The following PTPN14 variants were observed in gnomAD, a reference collection of about 807,000 sequenced individuals.
PTPN14 encodes the protein protein tyrosine phosphatase non-receptor type 14.
PTPN14 carries 53 observed loss-of-function variants against 126.8 expected under a neutral mutation model. The observed-to-expected ratio is 0.42, with a 90% CI of 0.34 to 0.53. The LOEUF (loss-of-function observed/expected upper bound fraction) is 0.53, where lower values mean the gene tolerates loss of function less well. Ranked by LOEUF, PTPN14 falls within the 20% of genes least tolerant of loss-of-function variation. The probability of loss-of-function intolerance (pLI) is 0.08; values close to 1 mark genes in which losing one functional copy is unlikely to be tolerated. For synonymous variants in PTPN14, 630 were observed against 599.3 expected (o/e 1.05, Z -0.75); for missense variants, 1,257 against 1,552.9 (o/e 0.81, Z 3.20).
chr1:214,410,413 C>T (rs145513623), intron 5 of PTPN14, among the ~76,000 whole-genome samples: 2,601 of 151,998 alleles, frequency 0.017, 83 homozygotes, highest in African/African-American at 0.059. Context: ...CTGCCTCAGC[C>T]TCCTGAGTAG....
At chr1:214,520,446 T>C (rs1011065404) in intron 1 of PTPN14, among the ~76,000 whole-genome samples, 1 of 152,170 alleles carries the variant, frequency 6.6e-6, no homozygotes, top group African/African-American at 2.4e-5. Flanking sequence ...AACAGAAGTT[T>C]TGATTCAAGA....
At chr1:214,361,903 G>GT (rs1372021727) in intron 18 of PTPN14, among the ~76,000 whole-genome samples, 1 of 152,176 alleles carries the variant, frequency 6.6e-6, no homozygotes, top group East Asian at 1.9e-4. Flanking sequence ...GTGTTTCATT[G>GT]TTTCTGCTCA....
At chr1:214,463,397 A>G (rs1176713046) in intron 2 of PTPN14, among the ~76,000 whole-genome samples, 2 of 152,228 alleles carry the variant, frequency 1.3e-5, no homozygotes, top group Non-Finnish European at 2.9e-5. Flanking sequence ...TTACCAAGCT[A>G]CTAATACATA....
chr1:214,422,401 G>A (rs753025445), intron 3 of PTPN14, among the ~76,000 whole-genome samples: 6 of 152,154 alleles, frequency 3.9e-5, no homozygotes, highest in Non-Finnish European at 5.9e-5. Context: ...ATGCTAACCG[G>A]CCAACCAAAA....
chr1:214,421,464 A>T (rs1156878821), intron 3 of PTPN14, among the ~76,000 whole-genome samples: 1 of 152,250 alleles, frequency 6.6e-6, no homozygotes, highest in Non-Finnish European at 1.5e-5. Flanking sequence ...CAACTTTGTT[A>T]AAACACTAAA....
rs946394083 is a variant in PTPN14, at chr1:214,389,926, C to T, written c.987+1062G>A. 2.0e-5 allele frequency among the ~76,000 whole-genome samples: 3 copies of T among 152,138 alleles called. 1 individual carries two copies. In the South Asian group the frequency reaches 6.2e-4, roughly 32 times the overall value. ...CCAGGACCACATGTGAGATATTGTG[C>T]ATAATACTGAGAGAAATAATATTCA... is the stretch of plus-strand genomic sequence containing the variant. On this transcript the variant is annotated intron_variant, in intron 11 of 18. Transcript: ENST00000366956.
chr1:214,405,532 A>G (rs1364247814), intron 5 of PTPN14, among the ~76,000 whole-genome samples: 1 of 152,054 alleles, frequency 6.6e-6, no homozygotes, highest in African/African-American at 2.4e-5. Flanking sequence ...TTGTCAAACA[A>G]AAGTTTAATT....
At chr1:214,462,092 T>C (rs1660526042) in intron 2 of PTPN14, among the ~76,000 whole-genome samples, 1 of 152,168 alleles carries the variant, frequency 6.6e-6, no homozygotes, top group South Asian at 2.1e-4. Context: ...ACTTCAATGT[T>C]ATCTGTCATG....
At chr1:214,460,524 A>AGCACACACACAC (rs140053325) in intron 2 of PTPN14, among the ~76,000 whole-genome samples, 1 of 132,574 alleles carries the variant, frequency 7.5e-6, no homozygotes, top group African/African-American at 3.0e-5. Flanking sequence ...TGAAAATTCC[A>AGCACACACACAC]ACACACACAC....
intron 3 of PTPN14, among the ~76,000 whole-genome samples, chr1:214,433,386 G>A (rs1013057878): frequency 6.6e-5 from 10 of 152,094 alleles, no homozygotes; most frequent in African/African-American, 2.4e-4. Context: ...GGGGGCTCTG[G>A]TGACAGATTT....
At chr1:214,539,577 T>C (rs115294425) in intron 1 of PTPN14, among the ~76,000 whole-genome samples, 2,046 of 152,262 alleles carry the variant, frequency 0.013, 44 homozygotes, top group African/African-American at 0.045. Context: ...TATACGGTAA[T>C]TAATCTATCA....
At chr1:214,541,547 T>C (rs1053603639) in intron 1 of PTPN14, among the ~76,000 whole-genome samples, 2 of 152,146 alleles carry the variant, frequency 1.3e-5, no homozygotes, top group African/African-American at 4.8e-5. Flanking sequence ...ACCAGGCCAA[T>C]GACGGAATTA....
rs116070588 is a variant in PTPN14, at chr1:214,349,400, G to C, written c.*8522C>G. 499 of 152,322 alleles carry C rather than the reference G, an allele frequency of 3.3e-3. 2 individuals are homozygous for C. The highest frequency in any genetic ancestry group is 0.012 in the African/African-American group (479 of 41,574). 9.4% of individuals were successfully genotyped at this position (152,322 alleles called of 1,614,324 possible). A position where few individuals can be genotyped will look rare whatever the true frequency, so the allele number is the denominator to read the frequency against. On this transcript the variant is annotated 3_prime_UTR_variant, in exon 19 of 19. Coordinates refer to ENST00000366956, the MANE Select transcript of PTPN14 (RefSeq NM_005401.5). ...ACCTTAAGAACAAACCGGTTTCTAA[G>C]TTGGGGACTTGTCTGTACATCGTTT...
rs138019436 is a variant in PTPN14 at position 214,402,762 on chromosome 1, G to A, written c.581+121C>T. The stretch of plus-strand genomic sequence containing the variant: ...GAAGTACAGAGCTGAGTCACGTGGT[G>A]GAATAAATACAAGTGTGTTGGCTCA... On this transcript the variant is annotated intron_variant, in intron 6 of 18. Coordinates refer to ENST00000366956, the MANE Select transcript of PTPN14 (RefSeq NM_005401.5). 897 of 1,087,102 alleles carry A rather than the reference G, an allele frequency of 8.3e-4. 7 individuals are homozygous for A. In the African/African-American group the frequency reaches 0.012, roughly 15 times the overall value. 67.3% of individuals were successfully genotyped at this position (1,087,102 alleles called of 1,614,324 possible).
intron 11 of PTPN14, among the ~76,000 whole-genome samples, chr1:214,390,601 T>G (rs965108756): frequency 1.3e-5 from 2 of 152,194 alleles, no homozygotes; most frequent in Non-Finnish European, 2.9e-5. Flanking sequence ...ACTAGTTTAT[T>G]AAGCTCTCTC....
intron 3 of PTPN14, among the ~76,000 whole-genome samples, chr1:214,438,201 T>G (rs1659960983): frequency 6.6e-6 from 1 of 152,220 alleles, no homozygotes; most frequent in South Asian, 2.1e-4. Flanking sequence ...GCCCGTCCTG[T>G]GGCAGCCAAC....
chr1:214,530,337 C>CTTTTTTT (rs1219471589), intron 1 of PTPN14: 12 of 129,080 alleles, frequency 9.3e-5, no homozygotes, highest in East Asian at 2.1e-4. Context: ...CTTTTCTTTT[C>CTTTTTTT]TTTTTTTTTT....
Position 214,352,948 on chromosome 1 carries a change from T to C in PTPN14, c.*4974A>G, listed in dbSNP as rs950714822. ...TACCCTAAGAGCCCAACAGTAATTA[T>C]GTGGTGCTTCCGGAAATGTCTTACT... On this transcript the variant is annotated 3_prime_UTR_variant, in exon 19 of 19. Coordinates refer to ENST00000366956, the MANE Select transcript of PTPN14 (RefSeq NM_005401.5). 6.6e-6 allele frequency: 1 copy of C among 152,192 alleles called. No individual in the cohort carries two copies. Among genetic ancestry groups the C allele is most frequent in the Non-Finnish European group, 1.5e-5 (1 of 68,036 alleles). The allele number at this position is 152,192 out of a possible 1,614,324, so 9.4% of individuals were successfully genotyped here. A position where few individuals can be genotyped will look rare whatever the true frequency, so the allele number is the denominator to read the frequency against.
intron 1 of PTPN14, among the ~76,000 whole-genome samples, chr1:214,480,353 C>G (rs552493552): frequency 6.6e-6 from 1 of 152,220 alleles, no homozygotes; most frequent in Non-Finnish European, 1.5e-5. Context: ...AAAAGACCCA[C>G]GCTTGGAGTC....
Sources: allele counts gnomAD v4.1 joint callset (sites outside exome capture counted in the v4.1 genomes callset), GRCh38; gene constraint gnomAD v4.1.1; transcripts MANE v1.5; gene names NCBI Gene and HGNC (gene_info 2026-07-23, HGNC 2026-07-21).